Variants in SPATA31H1 observed in about 807,000 individuals in gnomAD.
SPATA31H1 encodes the protein SPATA31 subfamily H member 1.
the SPATA31H1 span, chr2:27,576,535 C>A: frequency 2.0e-6 from 3 of 1,469,612 alleles, no homozygotes; most frequent in South Asian, 2.7e-5. Flanking sequence ...AAATCTGTGG[C>A]CTTTGCATCG....
the SPATA31H1 span, chr2:27,570,971 ATCT>A: frequency 2.5e-6 from 1 of 398,788 alleles, no homozygotes; most frequent in Non-Finnish European, 4.4e-6. Flanking sequence ...AAGGTATTAA[ATCT>A]TCTGAATTGA....
the SPATA31H1 span, among the ~76,000 whole-genome samples, chr2:27,544,522 G>A: frequency 1.4e-5 from 2 of 146,468 alleles, no homozygotes; most frequent in East Asian, 4.0e-4. Flanking sequence ...TCATCTTGTT[G>A]ACAACAATTT....
At chr2:27,544,688 C>A in the SPATA31H1 span, among the ~76,000 whole-genome samples, 1 of 151,728 alleles carries the variant, frequency 6.6e-6, no homozygotes, top group African/African-American at 2.4e-5. Context: ...ATGCATGCCA[C>A]CATGCCTGGC....
At chr2:27,578,485 C>T in the SPATA31H1 span, 2 of 1,614,056 alleles carry the variant, frequency 1.2e-6, no homozygotes, top group Admixed American at 1.7e-5. Context: ...CTTCCAAGGC[C>T]ACATCTTCAA....
the SPATA31H1 span, chr2:27,577,268 A>T: frequency 6.2e-7 from 1 of 1,614,082 alleles, no homozygotes. The surrounding 1 kb of genome is among the most constrained non-coding windows in gnomAD (Gnocchi z 4.5). Context: ...ACCAAATCCT[A>T]GAAACTATGG....
the SPATA31H1 span, chr2:27,573,843 A>G: frequency 2.5e-6 from 1 of 398,444 alleles, no homozygotes; most frequent in Non-Finnish European, 4.4e-6. Flanking sequence ...AAGTGATAAA[A>G]CTGTAGCGCT....
the SPATA31H1 span, chr2:27,573,674 A>G: frequency 1.5e-4 from 60 of 398,396 alleles, 2 homozygotes; most frequent in East Asian, 2.1e-3. Flanking sequence ...AAGATGTGAA[A>G]TCTTCTGAGT....
chr2:27,579,006 T>C, the SPATA31H1 span: 1 of 1,614,164 alleles, frequency 6.2e-7, no homozygotes, highest in South Asian at 1.1e-5. Context: ...GGAAAACCCA[T>C]GTCCTGAGAT....
chr2:27,580,850 C>A, the SPATA31H1 span: 4 of 1,614,014 alleles, frequency 2.5e-6, no homozygotes, highest in Admixed American at 6.7e-5. Flanking sequence ...AGCAGGAGGA[C>A]ATATTGTGGG....
chr2:27,555,384 T>TCTAA, the SPATA31H1 span, among the ~76,000 whole-genome samples: 1 of 151,876 alleles, frequency 6.6e-6, no homozygotes, highest in Non-Finnish European at 1.5e-5. Flanking sequence ...AGTATAAAAG[T>TCTAA]CTAAGAGCCA....
the SPATA31H1 span, among the ~76,000 whole-genome samples, chr2:27,554,473 G>A: frequency 2.0e-5 from 3 of 152,014 alleles, no homozygotes; most frequent in South Asian, 2.1e-4. Flanking sequence ...TGCCAGCGTG[G>A]TCAGATTCTG....
chr2:27,566,259 A>T, the SPATA31H1 span: 1 of 713,488 alleles, frequency 1.4e-6, no homozygotes, highest in East Asian at 2.7e-5. Context: ...ATGAAACTTC[A>T]ATTACATTGA....
the SPATA31H1 span, among the ~76,000 whole-genome samples, chr2:27,554,546 TGA>T: frequency 2.0e-5 from 3 of 150,644 alleles, no homozygotes; most frequent in South Asian, 4.2e-4. Context: ...GTGGAAAGAC[TGA>T]GAGATATCTC....
At chr2:27,574,837 A>G in the SPATA31H1 span, 3 of 398,550 alleles carry the variant, frequency 7.5e-6, no homozygotes, top group Non-Finnish European at 1.3e-5. Context: ...ACAGAGCTTC[A>G]AGATGTAAAA....
the SPATA31H1 span, chr2:27,570,329 A>G: frequency 7.5e-6 from 3 of 398,810 alleles, no homozygotes; most frequent in Non-Finnish European, 1.3e-5. Flanking sequence ...CCTCAGAACT[A>G]CCATTTCAAA....
the SPATA31H1 span, chr2:27,581,645 G>C: frequency 6.2e-7 from 1 of 1,612,888 alleles, no homozygotes; most frequent in African/African-American, 1.3e-5. Context: ...GTCCCTCTGA[G>C]AGAAGACATC....
chr2:27,559,889 A>G, the SPATA31H1 span, among the ~76,000 whole-genome samples: 1 of 150,444 alleles, frequency 6.6e-6, no homozygotes, highest in South Asian at 2.1e-4. Flanking sequence ...TTTTTTTGAG[A>G]TGGAGTCTCA....
the SPATA31H1 span, among the ~76,000 whole-genome samples, chr2:27,543,388 T>C: frequency 2.0e-5 from 3 of 152,030 alleles, no homozygotes; most frequent in Non-Finnish European, 4.4e-5. Context: ...AAAAGACAAA[T>C]GTCTACTTTT....
the SPATA31H1 span, chr2:27,579,212 G>C: frequency 6.2e-7 from 1 of 1,614,186 alleles, no homozygotes; most frequent in Non-Finnish European, 8.5e-7. Flanking sequence ...GTCATGCCTG[G>C]AGGCAGCGAC....
Sources: gnomAD v4.1 joint callset for allele counts (sites outside exome capture counted in the v4.1 genomes callset) on GRCh38, gnomAD v4.1.1 for gene constraint, Gnocchi (gnomAD v3.1) non-coding constraint, MANE v1.5 for transcripts, NCBI Gene and HGNC (gene_info 2026-07-23, HGNC 2026-07-21) for gene names.